PLOD3: variants seen among roughly 807,000 people sequenced by gnomAD.
PLOD3 encodes multifunctional procollagen lysine hydroxylase and glycosyltransferase LH3.
A neutral mutation model predicts 96.9 loss-of-function variants in PLOD3; 73 were observed. That is an observed-to-expected ratio of 0.75 (90% CI 0.62 to 0.92). The LOEUF is 0.92. Ranked by LOEUF, PLOD3 falls within the 40% of genes least tolerant of loss-of-function variation. The probability of loss-of-function intolerance (pLI) is 0.00; values close to 1 mark genes in which losing one functional copy is unlikely to be tolerated. For synonymous variants in PLOD3, 454 were observed against 413.7 expected (o/e 1.10, Z -1.18); for missense variants, 1,004 against 1,004.3 (o/e 1.00, Z 0.00).
At chr7:101,213,821 C>G (rs1337236918) in intron 6 of PLOD3, among the ~76,000 whole-genome samples, 1 of 152,038 alleles carries the variant, frequency 6.6e-6, no homozygotes, top group Non-Finnish European at 1.5e-5. Context: ...TCCTCAGCCT[C>G]CCGGGTAGCC....
Position 101,216,521 on chromosome 7 carries a change from C to T in PLOD3, c.227G>A (p.Arg76Gln), listed in dbSNP as rs759025279. ...AACTGTTCGAGCCACATCACCCCCT[C>T]GCCACTCCTCTCCCAGGCCCAGGGT... Reference protein sequence around the residue: ...VRTLGLGEEWRGGDVARTVGG... With the variant: ...VRTLGLGEEWQGGDVARTVGG... Residue 76 changes from arginine (R) to glutamine (Q), a missense_variant, in exon 3 of 19, where the codon CGA (arginine) becomes CAA (glutamine). Physicochemically the swap from Arg to Gln is conservative, Grantham distance 43. Coordinates refer to ENST00000223127, the MANE Select transcript of PLOD3 (RefSeq NM_001084.5). The T allele has an allele frequency of 6.2e-7, 1 of 1,614,160 alleles. No individual in the cohort carries two copies. The highest frequency in any genetic ancestry group is 8.5e-7 in the Non-Finnish European group (1 of 1,180,038).
intron 12 of PLOD3, chr7:101,210,958 G>A: frequency 2.4e-6 from 1 of 408,636 alleles, no homozygotes; most frequent in Non-Finnish European, 4.6e-6. Context: ...TTGGCTCACT[G>A]CAACCTCCAC....
rs1210353326 is a variant in PLOD3, at chr7:101,217,344, G to A, written c.-70C>T. 3.0e-6 allele frequency: 4 copies of A among 1,341,328 alleles called. No individual in the cohort carries two copies. The highest frequency in any genetic ancestry group is 3.8e-6 in the Non-Finnish European group (4 of 1,045,790). The allele number at this position is 1,341,328 out of a possible 1,614,324, so 83.1% of individuals were successfully genotyped here. A position where few individuals can be genotyped will look rare whatever the true frequency, so the allele number is the denominator to read the frequency against. On this transcript the variant is annotated 5_prime_UTR_variant, in exon 1 of 19. Coordinates refer to ENST00000223127, the MANE Select transcript of PLOD3 (RefSeq NM_001084.5). Reference sequence around the variant, plus strand: ...GCTACGCGCCTGGATCCCAGCTCCGGAGGGGAGCTCTGGAAAGGGGGCGCT... The same window carrying A: ...GCTACGCGCCTGGATCCCAGCTCCGAAGGGGAGCTCTGGAAAGGGGGCGCT...
intron 8 of PLOD3, 28 bp from the exon 9 acceptor site, chr7:101,212,683 G>A (rs1210471490): frequency 2.5e-6 from 4 of 1,612,682 alleles, no homozygotes; most frequent in East Asian, 2.2e-5. Context: ...CAGGGACTCA[G>A]AGAGAAGCCC....
rs1396899273 is a variant in PLOD3 at position 101,210,163 on chromosome 7, T to C, written c.1615-2A>G. 1 of 1,603,532 alleles carries C rather than the reference T, an allele frequency of 6.2e-7. No homozygotes were observed. Among genetic ancestry groups the C allele is most frequent in the Admixed American group, 1.7e-5 (1 of 58,444 alleles). On this transcript the variant is annotated splice_acceptor_variant, in intron 14 of 18. Coordinates refer to ENST00000223127, the MANE Select transcript of PLOD3 (RefSeq NM_001084.5). LOFTEE classifies it high-confidence loss of function. ...GTGGATGTACTGCTCCTTCCAGTCC[T>C]GTGAGAGGGTGGGGGGCACATCAGA...
chr7:101,211,745 C>T (rs1407372015), intron 11 of PLOD3, 29 bp from the exon 12 acceptor site: 3 of 1,596,168 alleles, frequency 1.9e-6, no homozygotes, highest in Non-Finnish European at 2.6e-6. Context: ...GAGGGCTGGG[C>T]AGACGGGAGC....
At chr7:101,208,112 T>C (rs537948073) in intron 16 of PLOD3, among the ~76,000 whole-genome samples, 9 of 152,162 alleles carry the variant, frequency 5.9e-5, no homozygotes, top group Non-Finnish European at 1.0e-4. Context: ...TTTCTCTTTT[T>C]TTAGAGACAG....
chr7:101,208,948 C>T lies in PLOD3; in HGVS notation c.1693G>A (p.Asp565Asn), dbSNP rs754667665. The T allele has an allele frequency of 1.2e-6, 2 of 1,612,540 alleles. No homozygotes were observed. Among genetic ancestry groups the T allele is most frequent in the Non-Finnish European group, 1.7e-6 (2 of 1,178,632 alleles). ...GEGIVEQPCP[D>N]VYWFPLLSEQ... ...GACAGCAGTGGGAACCAGTACACGTCCGGGCATGGCTGAGGATGGGGCGAG... is the reference window on the plus strand; with the variant it reads ...GACAGCAGTGGGAACCAGTACACGTTCGGGCATGGCTGAGGATGGGGCGAG... The change falls in exon 16 of 19, where the codon GAC (aspartate) becomes AAC (asparagine). Residue 565 changes from aspartate (D) to asparagine (N), a missense_variant. Asp to Asn is a conservative substitution (Grantham distance 23). This residue lies in a region of PLOD3 where 65 missense variants were observed against 68.8 expected (regional missense o/e 0.94). Transcript: ENST00000223127.
Position 101,210,137 on chromosome 7 carries a change from C to G in PLOD3, c.1639G>C (p.Glu547Gln), listed in dbSNP as rs557730054. The change falls in exon 15 of 19, where the codon GAG becomes CAG. Residue 547 changes from glutamate to glutamine, a missense_variant. Glu to Gln is a conservative substitution (Grantham distance 29). This residue lies in a region of PLOD3 where 65 missense variants were observed against 68.8 expected (regional missense o/e 0.94). Coordinates refer to ENST00000223127, the MANE Select transcript of PLOD3 (RefSeq NM_001084.5). ...PVDWKEQYIH[E>Q]NYSRALEGEG... is the part of the protein sequence containing the mutation. ...CCTTCCAGGGCCCGGCTGTAGTTCT[C>G]GTGGATGTACTGCTCCTTCCAGTCC... 2 of 1,607,756 alleles carry G rather than the reference C, an allele frequency of 1.2e-6. No individual in the cohort carries two copies. The highest frequency in any genetic ancestry group is 1.7e-6 in the Non-Finnish European group (2 of 1,177,240).
intron 11 of PLOD3, 42 bp downstream of exon 11, chr7:101,211,803 CT>C (rs1798185979): frequency 6.3e-7 from 1 of 1,587,108 alleles, no homozygotes; most frequent in African/African-American, 1.3e-5. Context: ...TTCCCGGGGC[CT>C]GTTGGGGTGC....
In PLOD3 at chr7:101,206,763, T is replaced by C. The variant is rs1798091334; in HGVS notation, c.2061+16A>G. ...CCTGAGGTGAAGCGTGGGTGGGTAG[T>C]GTGACTGGGGCGCACCTCATAGTCC... On this transcript the variant is annotated intron_variant, in intron 18 of 18. Coordinates refer to ENST00000223127, the MANE Select transcript of PLOD3 (RefSeq NM_001084.5). 2 of 1,578,026 alleles carry C rather than the reference T, an allele frequency of 1.3e-6. No homozygotes were observed. The highest frequency in any genetic ancestry group is 1.7e-6 in the Non-Finnish European group (2 of 1,161,534).
rs948963149 is a variant in PLOD3 at position 101,206,160 on chromosome 7, A to G, written c.*121T>C. 1.7e-5 allele frequency: 18 copies of G among 1,029,536 alleles called. No individual in the cohort carries two copies. The highest frequency in any genetic ancestry group is 2.6e-5 in the Non-Finnish European group (17 of 650,610). 63.8% of individuals were successfully genotyped at this position (1,029,536 alleles called of 1,614,324 possible). On this transcript the variant is annotated 3_prime_UTR_variant, in exon 19 of 19. Coordinates refer to ENST00000223127, the MANE Select transcript of PLOD3 (RefSeq NM_001084.5). ...GCAAGGTGACATATTCAGTTCAGGCACGCGGAACATGAACTCAGGAAGTGG... is the reference window on the plus strand; with the variant it reads ...GCAAGGTGACATATTCAGTTCAGGCGCGCGGAACATGAACTCAGGAAGTGG...
Position 101,211,770 on chromosome 7 carries a change from C to T in PLOD3, c.1233-54G>A, listed in dbSNP as rs114051641. 4,718 of 1,590,306 alleles carry T rather than the reference C, an allele frequency of 3.0e-3. 114 individuals carry two copies. The African/African-American group carries it at 0.054, about 18-fold the overall frequency. On this transcript the variant is annotated intron_variant, in intron 11 of 18. Coordinates refer to ENST00000223127, the MANE Select transcript of PLOD3 (RefSeq NM_001084.5). ...CAGACGGGAGCAGGCCTGGGGAGCC[C>T]GGTGCCCAGGGCAGGAGTGGGGTTC... is the stretch of plus-strand genomic sequence containing the variant.
At position 101,215,915 on chromosome 7, in the gene PLOD3, C is replaced by G. The variant is rs750653985; in HGVS notation, c.608G>C (p.Gly203Ala). ...CTCCTCTGCCTTCCCTACCCTCAGT[C>G]CTGGGTCCAGGTAGAGCCGTGTGTA... ...LFYTRLYLDP[G>A]LREKLSLNLD... Residue 203 changes from glycine (G) to alanine (A), a missense_variant, in exon 5 of 19, where the codon GGA becomes GCA. By Grantham distance (60) the Gly-to-Ala change is moderately conservative. Around this residue, in one of 5 missense-constraint regions of PLOD3, gnomAD observed 690 missense variants for 650.2 expected, o/e 1.06. Transcript: ENST00000223127. 1.9e-6 allele frequency: 3 copies of G among 1,608,834 alleles called. No homozygotes were observed. The East Asian group carries it at 6.7e-5, about 36-fold the overall frequency.
intron 11 of PLOD3, 55 bp from the exon 12 acceptor site, chr7:101,211,771 G>A (rs1798185486): frequency 4.4e-6 from 7 of 1,589,254 alleles, no homozygotes; most frequent in South Asian, 2.3e-5. Context: ...TGGGGAGCCC[G>A]GTGCCCAGGG....
intron 16 of PLOD3, among the ~76,000 whole-genome samples, 196 bp from the exon 17 acceptor site, chr7:101,207,920 G>T (rs1323921931): frequency 6.6e-6 from 1 of 152,144 alleles, no homozygotes; most frequent in African/African-American, 2.4e-5. Context: ...CACCTGTCCT[G>T]TGAAGCTCCC....
At position 101,206,383 on chromosome 7, in the gene PLOD3, C is replaced by T; in HGVS notation, c.2115G>A (p.Lys705=). 6.2e-7 allele frequency: 1 copy of T among 1,613,624 alleles called. No individual in the cohort carries two copies. The highest frequency in any genetic ancestry group is 8.5e-7 in the Non-Finnish European group (1 of 1,179,724). The part of the protein sequence containing the change: ...RYDCVISSPR[K]GWALLHPGRL... ...GGCCGGGGTGCAGGAGTGCCCAGCCCTTCCTCGGGGAGGAGATCACACAGT... is the reference window on the plus strand; with the variant it reads ...GGCCGGGGTGCAGGAGTGCCCAGCCTTTCCTCGGGGAGGAGATCACACAGT... Residue 705 remains lysine (K), a synonymous_variant, in exon 19 of 19, where the codon AAG becomes AAA. Transcript: ENST00000223127.
chr7:101,216,240 C>T lies in PLOD3; in HGVS notation c.425G>A (p.Ser142Asn). ...SGSRLLFSAE[S>N]FCWPEWGLAE... ...CAGCCCCCACTCGGGCCAGCAGAAG[C>T]TCTCTGCAGAGAAGAGCAGGCGGCT... The change falls in exon 4 of 19, where the codon AGC becomes AAC. Residue 142 changes from serine (S) to asparagine (N), a missense_variant. By Grantham distance (46) the Ser-to-Asn change is conservative (BLOSUM62 1). Around this residue, in one of 5 missense-constraint regions of PLOD3, gnomAD observed 690 missense variants for 650.2 expected, o/e 1.06. Transcript: ENST00000223127. 2.5e-6 allele frequency: 4 copies of T among 1,613,812 alleles called. No individual in the cohort carries two copies. Among genetic ancestry groups the T allele is most frequent in the Non-Finnish European group, 3.4e-6 (4 of 1,180,016 alleles).
In PLOD3 at chr7:101,217,342, CGGAGGGGAGCTCT is replaced by C. The variant is rs1451187430; in HGVS notation, c.-81_-69del. The C allele has an allele frequency of 9.0e-6, 12 of 1,339,000 alleles. No individual in the cohort carries two copies. Among genetic ancestry groups the C allele is most frequent in the Non-Finnish European group, 1.1e-5 (12 of 1,044,646 alleles). 82.9% of individuals were successfully genotyped at this position (1,339,000 alleles called of 1,614,324 possible). Reference sequence around the variant, plus strand: ...CCGCTACGCGCCTGGATCCCAGCTCCGGAGGGGAGCTCTGGAAAGGGGGCGCTCGGGCTGCTGT... The same window carrying C: ...CCGCTACGCGCCTGGATCCCAGCTCCGGAAAGGGGGCGCTCGGGCTGCTGT... On this transcript the variant is annotated 5_prime_UTR_variant, in exon 1 of 19. Transcript: ENST00000223127.
Sources: allele counts gnomAD v4.1 joint callset (sites outside exome capture counted in the v4.1 genomes callset), GRCh38; gene constraint gnomAD v4.1.1; regional missense constraint gnomAD v4.1.1; transcripts MANE v1.5; gene names NCBI Gene and HGNC (gene_info 2026-07-23, HGNC 2026-07-21).